The following PTPRT variants were observed in gnomAD, a reference collection of about 807,000 sequenced individuals.
PTPRT encodes the protein receptor-type tyrosine-protein phosphatase T.
Under a neutral mutation model 176.8 loss-of-function variants are expected in PTPRT, and 56 were observed. The ratio of observed to expected loss-of-function variants is 0.32; its 90% CI spans 0.26 to 0.40. The LOEUF (loss-of-function observed/expected upper bound fraction) is 0.40. Ranked by LOEUF, PTPRT falls within the 10% of genes least tolerant of loss-of-function variation. The pLI is 1.00. For missense variants in PTPRT, 1,540 were observed against 1,908.2 expected, an observed-to-expected ratio of 0.81 and a Z score of 3.60; for synonymous variants, 783 against 739.0, an observed-to-expected ratio of 1.06 and a Z score of -0.96.
chr20:43,092,863 G>T (rs1476860856), intron 1 of PTPRT, among the ~76,000 whole-genome samples: 1 of 152,206 alleles, frequency 6.6e-6, no homozygotes, highest in African/African-American at 2.4e-5. Context: ...TCTAAGATCT[G>T]GGGATTATTT....
chr20:42,151,529 T>G lies in PTPRT; in HGVS notation c.2683-9527A>C, dbSNP rs539685132. ...TCCATGGTATATATGTGCCACATTT[T>G]CTTTATCCAGTCTATCATTGATGGG... On this transcript the variant is annotated intron_variant, in intron 17 of 30. Coordinates refer to ENST00000373187, the MANE Select transcript of PTPRT (RefSeq NM_007050.6). Among the ~76,000 whole-genome samples the G allele has an allele frequency of 1.2e-4, 18 of 152,334 alleles. No individual in the cohort carries two copies. In the South Asian group the frequency reaches 3.1e-3, roughly 26 times the overall value.
At chr20:42,172,864 T>C (rs1261304347) in intron 16 of PTPRT, among the ~76,000 whole-genome samples, 1 of 152,118 alleles carries the variant, frequency 6.6e-6, no homozygotes, top group East Asian at 1.9e-4. Context: ...CTTTCTACAC[T>C]AAGACCTGGT....
chr20:42,173,589 T>C (rs1285374613), intron 16 of PTPRT, among the ~76,000 whole-genome samples: 2 of 152,042 alleles, frequency 1.3e-5, no homozygotes, highest in Non-Finnish European at 2.9e-5. Context: ...AAACAATACA[T>C]TTGGAAAAAA....
intron 7 of PTPRT, among the ~76,000 whole-genome samples, chr20:42,645,764 ATGTGTGTGTG>A (rs59454108): frequency 2.2e-4 from 31 of 139,558 alleles, no homozygotes; most frequent in African/African-American, 4.2e-4. Flanking sequence ...ATGTGTATTT[ATGTGTGTGTG>A]TGTGTGTGTG....
At chr20:43,071,978 G>C (rs2011187051) in intron 1 of PTPRT, among the ~76,000 whole-genome samples, 1 of 152,198 alleles carries the variant, frequency 6.6e-6, no homozygotes, top group African/African-American at 2.4e-5. Context: ...CATACTGCCT[G>C]GTCTATGTGG....
chr20:42,971,144 G>A (rs1055761454), intron 1 of PTPRT: 1 of 152,208 alleles, frequency 6.6e-6, no homozygotes, highest in Non-Finnish European at 1.5e-5. Context: ...CTTTAGGAGA[G>A]AGCCAAAGAT....
intron 9 of PTPRT, among the ~76,000 whole-genome samples, chr20:42,433,202 G>T (rs905975794): frequency 6.6e-6 from 1 of 152,094 alleles, no homozygotes; most frequent in Non-Finnish European, 1.5e-5. Context: ...GGCCCATAAT[G>T]CTGACGTCCC....
chr20:42,713,029 T>G (rs1174809420), intron 6 of PTPRT, among the ~76,000 whole-genome samples: 3 of 149,378 alleles, frequency 2.0e-5, no homozygotes, highest in African/African-American at 7.4e-5. Context: ...GCCAAAAGAG[T>G]TTTTGAAATA....
intron 6 of PTPRT, chr20:42,686,228 C>A (rs751362135): frequency 6.6e-6 from 1 of 152,180 alleles, no homozygotes; most frequent in Non-Finnish European, 1.5e-5. Flanking sequence ...TGTGTCAATA[C>A]CGCCTGCTCT....
intron 16 of PTPRT, among the ~76,000 whole-genome samples, chr20:42,184,607 T>TTCC (rs1990689494): frequency 7.7e-6 from 1 of 129,178 alleles, no homozygotes; most frequent in Admixed American, 7.9e-5. Context: ...CTTCTTCTTC[T>TTCC]TCTTCTTCTC....
chr20:42,392,557 A>C (rs1157628502), intron 9 of PTPRT, among the ~76,000 whole-genome samples: 1 of 152,206 alleles, frequency 6.6e-6, no homozygotes, highest in Non-Finnish European at 1.5e-5. Context: ...AGAAGTGAGG[A>C]GCTACAGAGT....
At chr20:43,180,721 C>T (rs1257789665) in intron 1 of PTPRT, among the ~76,000 whole-genome samples, 1 of 152,028 alleles carries the variant, frequency 6.6e-6, no homozygotes, top group Non-Finnish European at 1.5e-5. Flanking sequence ...CCTCGGCTTC[C>T]CAAAGTGTTG....
chr20:42,764,826 G>T (rs990720275), intron 5 of PTPRT, among the ~76,000 whole-genome samples: 2 of 152,176 alleles, frequency 1.3e-5, no homozygotes, highest in African/African-American at 4.8e-5. Flanking sequence ...CTTAGTTGCA[G>T]CGTGACCACT....
intron 1 of PTPRT, among the ~76,000 whole-genome samples, chr20:42,907,653 G>C (rs941863298): frequency 5.9e-5 from 9 of 152,094 alleles, no homozygotes; most frequent in Admixed American, 4.6e-4. Context: ...TGGCGTGAGA[G>C]AGCTACAAAA....
chr20:42,971,535 A>T (rs1262726567), intron 1 of PTPRT: 1 of 150,028 alleles, frequency 6.7e-6, no homozygotes, highest in Non-Finnish European at 1.5e-5. Flanking sequence ...CATTTCTTCC[A>T]TTTTTTTTTC....
intron 18 of PTPRT, 85 bp from the exon 19 acceptor site, chr20:42,128,915 T>C: frequency 8.9e-7 from 1 of 1,129,356 alleles, no homozygotes; most frequent in Non-Finnish European, 1.2e-6. Flanking sequence ...TGTTTATTAA[T>C]GACTGCATAT....
chr20:42,899,229 C>A (rs1003622985), intron 1 of PTPRT, among the ~76,000 whole-genome samples: 1 of 152,168 alleles, frequency 6.6e-6, no homozygotes, highest in Admixed American at 6.5e-5. Flanking sequence ...GAGGGAGCAG[C>A]GAAAGAAACA....
intron 7 of PTPRT, among the ~76,000 whole-genome samples, chr20:42,575,046 G>A (rs2073231687): frequency 6.6e-6 from 1 of 152,108 alleles, no homozygotes; most frequent in Admixed American, 6.5e-5. Flanking sequence ...CCCTGTCTCT[G>A]GTAGTATGTT....
chr20:42,803,885 G>C (rs2077567108), intron 2 of PTPRT, among the ~76,000 whole-genome samples: 1 of 152,126 alleles, frequency 6.6e-6, no homozygotes, highest in African/African-American at 2.4e-5. Flanking sequence ...GCCCTACATT[G>C]TCTCTCTTGA....
Sources: allele counts gnomAD v4.1 joint callset (sites outside exome capture counted in the v4.1 genomes callset), GRCh38; gene constraint gnomAD v4.1.1; transcripts MANE v1.5; gene names NCBI Gene and HGNC (gene_info 2026-07-23, HGNC 2026-07-21).